The following PCNX2 variants were observed in gnomAD, a reference collection of about 807,000 sequenced individuals.
The protein encoded by PCNX2 is pecanex 2.
In PCNX2, 168 loss-of-function variants were observed where a neutral mutation model predicts 223.8. The ratio of observed to expected loss-of-function variants is 0.75; its 90% CI spans 0.66 to 0.85. The LOEUF (loss-of-function observed/expected upper bound fraction) is 0.85, where lower values mean the gene tolerates loss of function less well. Among genes scored for constraint, PCNX2 ranks in the 40% least tolerant of loss-of-function variants. The pLI, the probability that PCNX2 is intolerant of heterozygous loss-of-function variation, is 0.00. For synonymous variants in PCNX2, 1,006 were observed against 1,052.6 expected (o/e 0.96, Z 0.86); for missense variants, 2,507 against 2,675.5 (o/e 0.94, Z 1.39).
Position 233,287,562 on chromosome 1 carries a change from C to T in PCNX2, c.153+7764G>A, listed in dbSNP as rs535056584. Among the ~76,000 whole-genome samples the T allele has an allele frequency of 2.6e-5, 4 of 152,332 alleles. No homozygotes were observed. In the South Asian group the frequency reaches 8.3e-4, roughly 32 times the overall value. ...TACCACCATGTAAGACGTGACTTTG[C>T]TCCTCATTTGCCTTGTGCCATGACT... is the stretch of plus-strand genomic sequence containing the variant. On this transcript the variant is annotated intron_variant, in intron 1 of 33. Coordinates refer to ENST00000258229, the MANE Select transcript of PCNX2 (RefSeq NM_014801.4).
chr1:233,230,269 T>C (rs1657985770), intron 9 of PCNX2, among the ~76,000 whole-genome samples: 2 of 152,026 alleles, frequency 1.3e-5, no homozygotes, highest in South Asian at 2.1e-4. Flanking sequence ...GGAGAAGGCA[T>C]GGAGTAAAGG....
intron 19 of PCNX2, among the ~76,000 whole-genome samples, chr1:233,140,893 G>A (rs1677067613): frequency 6.6e-6 from 1 of 152,162 alleles, no homozygotes; most frequent in Non-Finnish European, 1.5e-5. Flanking sequence ...GTAATTGGGA[G>A]GCTGCAGTGG....
chr1:233,001,774 T>A lies in PCNX2; in HGVS notation c.4953-93A>T. 1 of 1,216,766 alleles carries A rather than the reference T, an allele frequency of 8.2e-7. No individual in the cohort carries two copies. The highest frequency in any genetic ancestry group is 1.1e-6 in the Non-Finnish European group (1 of 923,008). 75.4% of individuals were successfully genotyped at this position (1,216,766 alleles called of 1,614,324 possible). A position where few individuals can be genotyped will look rare whatever the true frequency, so the allele number is the denominator to read the frequency against. On this transcript the variant is annotated intron_variant, in intron 28 of 33. Coordinates refer to ENST00000258229, the MANE Select transcript of PCNX2 (RefSeq NM_014801.4). The surrounding 1 kb of genome is among the most constrained non-coding windows in gnomAD (Gnocchi z 4.2). ...TCTCCCATTTGTCTAAGAATTATCTTAACATTTAGGCTGATATAGCAAGAA... is the reference window on the plus strand; with the variant it reads ...TCTCCCATTTGTCTAAGAATTATCTAAACATTTAGGCTGATATAGCAAGAA...
intron 28 of PCNX2, among the ~76,000 whole-genome samples, chr1:233,011,190 A>G (rs1670456409): frequency 6.6e-6 from 1 of 152,254 alleles, no homozygotes; most frequent in Admixed American, 6.5e-5. Flanking sequence ...TTGTATAAAA[A>G]CAATAATATA....
intron 9 of PCNX2, among the ~76,000 whole-genome samples, chr1:233,235,686 C>G (rs1572127284): frequency 6.6e-6 from 1 of 152,212 alleles, no homozygotes; most frequent in Non-Finnish European, 1.5e-5. Context: ...ATTGCAACCT[C>G]CGCCTCCTGA....
chr1:233,249,920 T>C (rs746720117), intron 8 of PCNX2, among the ~76,000 whole-genome samples: 2 of 152,184 alleles, frequency 1.3e-5, no homozygotes, highest in East Asian at 1.9e-4. Context: ...TCCCCCTGAA[T>C]TTCCCATAAA....
chr1:233,263,950 C>T (rs1479504512), intron 1 of PCNX2, among the ~76,000 whole-genome samples: 4 of 152,188 alleles, frequency 2.6e-5, no homozygotes, highest in African/African-American at 2.4e-5. Flanking sequence ...ACTGCGATAA[C>T]GCCTGCAGGC....
intron 19 of PCNX2, among the ~76,000 whole-genome samples, chr1:233,140,356 A>G (rs559511417): frequency 2.6e-4 from 40 of 152,348 alleles, no homozygotes; most frequent in Admixed American, 2.5e-3. Flanking sequence ...CCCAAACCCC[A>G]GCCACTATGA....
At chr1:233,193,756 T>G (rs910161603) in intron 15 of PCNX2, among the ~76,000 whole-genome samples, 1 of 152,080 alleles carries the variant, frequency 6.6e-6, no homozygotes, top group Non-Finnish European at 1.5e-5. Flanking sequence ...TCTACAGACA[T>G]CAAATAGAAA....
rs1438990625 is a variant in PCNX2, at chr1:233,208,851, A to C, written c.2692-162T>G. Among the ~76,000 whole-genome samples, 68 of 103,980 alleles carry C rather than the reference A, an allele frequency of 6.5e-4. No individual in the cohort carries two copies. The highest frequency in any genetic ancestry group is 2.5e-3 in the African/African-American group (60 of 23,770). The allele number at this position is 103,980 out of a possible 152,430, so 68.2% of individuals were successfully genotyped here. A position where few individuals can be genotyped will look rare whatever the true frequency, so the allele number is the denominator to read the frequency against. On this transcript the variant is annotated intron_variant, in intron 12 of 33. Transcript: ENST00000258229. ...CAAAAAAAAAAAAAAAAAAAAAAAA[A>C]CAGGAAAAAAAGAAAAGAAAAAAAA...
intron 23 of PCNX2, among the ~76,000 whole-genome samples, chr1:233,089,198 A>C (rs1056179708): frequency 6.6e-6 from 1 of 152,178 alleles, no homozygotes; most frequent in African/African-American, 2.4e-5. Context: ...TTACGGAAAA[A>C]AGGATTAGGG....
chr1:233,013,946 A>G, intron 28 of PCNX2, among the ~76,000 whole-genome samples: 1 of 150,914 alleles, frequency 6.6e-6, no homozygotes. Context: ...GACAGAGTTC[A>G]GCACCACAGC....
At chr1:233,096,044 A>T (rs1674143137) in intron 21 of PCNX2, among the ~76,000 whole-genome samples, 181 bp from the exon 22 acceptor site, 1 of 152,246 alleles carries the variant, frequency 6.6e-6, no homozygotes, top group South Asian at 2.1e-4. Context: ...ATTTTGAAAC[A>T]GCAATAGGCT....
chr1:233,245,055 GT>G (rs1341771456), intron 8 of PCNX2, among the ~76,000 whole-genome samples: 2 of 152,208 alleles, frequency 1.3e-5, no homozygotes, highest in African/African-American at 4.8e-5. Context: ...CCTCCACCGG[GT>G]TTCATGGGCC....
At chr1:233,181,455 C>T (rs1452516923) in intron 15 of PCNX2, among the ~76,000 whole-genome samples, 6 of 152,104 alleles carry the variant, frequency 3.9e-5, no homozygotes, top group East Asian at 3.9e-4. Context: ...GCCTCGGCCT[C>T]GCAAAGTGCT....
chr1:233,141,873 A>T (rs1011384241), intron 19 of PCNX2, among the ~76,000 whole-genome samples: 1 of 152,008 alleles, frequency 6.6e-6, no homozygotes, highest in African/African-American at 2.4e-5. Flanking sequence ...GAATGGTGAG[A>T]ATAGACAGCG....
the PCNX2 span, among the ~76,000 whole-genome samples, chr1:233,301,772 A>G: frequency 6.6e-6 from 1 of 150,702 alleles, no homozygotes; most frequent in Non-Finnish European, 1.5e-5. Flanking sequence ...AGAAAGATAA[A>G]GTCACAGGAC....
intron 22 of PCNX2, among the ~76,000 whole-genome samples, chr1:233,090,590 A>C (rs1673821038): frequency 6.6e-6 from 1 of 152,222 alleles, no homozygotes; most frequent in Non-Finnish European, 1.5e-5. Context: ...AAAATAAATA[A>C]TATAACTGTT....
At chr1:233,093,079 G>C (rs527369049) in intron 22 of PCNX2, among the ~76,000 whole-genome samples, 4 of 152,154 alleles carry the variant, frequency 2.6e-5, no homozygotes, top group Non-Finnish European at 4.4e-5. Context: ...GATTACAGGC[G>C]TGAGCCACTG....
Sources: gnomAD v4.1 joint callset for allele counts (sites outside exome capture counted in the v4.1 genomes callset) on GRCh38, gnomAD v4.1.1 for gene constraint, Gnocchi (gnomAD v3.1) non-coding constraint, MANE v1.5 for transcripts, NCBI Gene and HGNC (gene_info 2026-07-23, HGNC 2026-07-21) for gene names.